The following RASGEF1C variants were observed in gnomAD, a reference collection of about 807,000 sequenced individuals.
RASGEF1C encodes RasGEF domain family member 1C, also known as ras-GEF domain-containing family member 1C.
Under a neutral mutation model 58.1 loss-of-function variants are expected in RASGEF1C, and 27 were observed. That is an observed-to-expected ratio of 0.46 (90% CI 0.34 to 0.64). RASGEF1C has a LOEUF of 0.64. Among genes scored for constraint, RASGEF1C ranks in the 30% least tolerant of loss-of-function variants. The pLI is 0.01. For missense variants in RASGEF1C, 502 were observed against 605.1 expected (o/e 0.83, Z 1.79); for synonymous variants, 243 against 246.3 (o/e 0.99, Z 0.13).
intron 1 of RASGEF1C, among the ~76,000 whole-genome samples, chr5:180,191,962 G>A (rs911481548): frequency 3.9e-5 from 6 of 152,152 alleles, no homozygotes; most frequent in African/African-American, 1.2e-4. Flanking sequence ...TCTTCTGGCC[G>A]TGAGTCTCAG....
intron 1 of RASGEF1C, among the ~76,000 whole-genome samples, chr5:180,180,379 T>A (rs1173020699): frequency 1.3e-5 from 2 of 152,252 alleles, no homozygotes; most frequent in African/African-American, 4.8e-5. Flanking sequence ...CTGCTGCTGT[T>A]TGAGACGAGC....
intron 12 of RASGEF1C, among the ~76,000 whole-genome samples, chr5:180,104,318 T>C (rs1765842226): frequency 6.6e-6 from 1 of 152,186 alleles, no homozygotes; most frequent in Non-Finnish European, 1.5e-5. Flanking sequence ...AGTGCCCTTA[T>C]GAAAGGGCTG....
intron 1 of RASGEF1C, among the ~76,000 whole-genome samples, chr5:180,147,293 T>G (rs903257893): frequency 6.6e-6 from 1 of 151,992 alleles, no homozygotes; most frequent in Non-Finnish European, 1.5e-5. Context: ...TTTTCTATTC[T>G]CTTTTATTTA....
At chr5:180,207,632 C>T (rs11249684) in intron 1 of RASGEF1C, among the ~76,000 whole-genome samples, 21 of 151,950 alleles carry the variant, frequency 1.4e-4, no homozygotes, top group Admixed American at 3.3e-4. Flanking sequence ...CCTCTCTCGC[C>T]TGCCCTCCCT....
rs1364282565 is a variant in RASGEF1C, at chr5:180,119,463, G to T, written c.805-15C>A. 1 of 1,607,112 alleles carries T rather than the reference G, an allele frequency of 6.2e-7. No homozygotes were observed. Among genetic ancestry groups the T allele is most frequent in the East Asian group, 2.2e-5 (1 of 44,816 alleles). ...TTCTTGGCTGGCTGGGGACAGGGCA[G>T]CAGAGCCTCAGTGGTGACACGCCTC... On this transcript the variant is annotated splice_polypyrimidine_tract_variant and intron_variant, in intron 7 of 13. Transcript: ENST00000361132.
chr5:180,134,135 A>G (rs1766426698), intron 4 of RASGEF1C, among the ~76,000 whole-genome samples: 1 of 152,202 alleles, frequency 6.6e-6, no homozygotes, highest in African/African-American at 2.4e-5. Flanking sequence ...CAGGAGGGGA[A>G]CAACCCACAG....
At chr5:180,182,648 T>G (rs922478464) in intron 1 of RASGEF1C, among the ~76,000 whole-genome samples, 3 of 152,198 alleles carry the variant, frequency 2.0e-5, no homozygotes, top group African/African-American at 4.8e-5. Context: ...GAGCACTGAT[T>G]GGTGCATTTT....
chr5:180,175,451 A>C lies in RASGEF1C; in HGVS notation c.-7+33577T>G, dbSNP rs1020367529. 2.0e-5 allele frequency among the ~76,000 whole-genome samples: 3 copies of C among 152,278 alleles called. No individual in the cohort carries two copies. In the South Asian group the frequency reaches 6.2e-4, roughly 32 times the overall value. On this transcript the variant is annotated intron_variant, in intron 1 of 13. Coordinates refer to ENST00000361132, the MANE Select transcript of RASGEF1C (RefSeq NM_175062.4). ...CTCAGATTTGGGGCTTCTTGGGCAC[A>C]CCTGCCATGTGCAGCCCCCTGAGTC...
chr5:180,200,373 G>A (rs536537550), intron 1 of RASGEF1C, among the ~76,000 whole-genome samples: 5 of 126,510 alleles, frequency 4.0e-5, no homozygotes, highest in Admixed American at 8.8e-5. Context: ...GCAGTGGCGC[G>A]ATCTAGGCTC....
intron 11 of RASGEF1C, among the ~76,000 whole-genome samples, chr5:180,113,607 A>G (rs1766008893): frequency 1.2e-5 from 1 of 84,436 alleles, no homozygotes; most frequent in Admixed American, 1.2e-4. Context: ...GGACGGAGGG[A>G]TCGGGGATGG....
chr5:180,118,934 C>T lies in RASGEF1C; in HGVS notation c.908-68G>A, dbSNP rs572261747. The T allele has an allele frequency of 7.3e-5, 105 of 1,429,324 alleles. No individual in the cohort carries two copies. In the African/African-American group the frequency reaches 1.3e-3, roughly 18 times the overall value. 88.5% of individuals were successfully genotyped at this position (1,429,324 alleles called of 1,614,324 possible). On this transcript the variant is annotated intron_variant, in intron 8 of 13. Coordinates refer to ENST00000361132, the MANE Select transcript of RASGEF1C (RefSeq NM_175062.4). ...GGGGGGCCTCTGCGTAGCTGCACCC[C>T]CTTGGACTGCACCCTGACCAGGGCT...
intron 12 of RASGEF1C, among the ~76,000 whole-genome samples, chr5:180,107,806 G>A (rs908620943): frequency 4.6e-5 from 7 of 151,998 alleles, no homozygotes; most frequent in Non-Finnish European, 7.4e-5. Context: ...ACGAGGTTTC[G>A]CCATGTTGGT....
chr5:180,201,577 G>A (rs923874813), intron 1 of RASGEF1C, among the ~76,000 whole-genome samples: 14 of 152,088 alleles, frequency 9.2e-5, no homozygotes, highest in African/African-American at 2.9e-4. Context: ...ATAAAGAGCC[G>A]ACACTAATCC....
At chr5:180,113,475 C>G in intron 11 of RASGEF1C, among the ~76,000 whole-genome samples, 1 of 41,110 alleles carries the variant, frequency 2.4e-5, no homozygotes, top group Admixed American at 3.0e-4. Context: ...GACGGAGTGA[C>G]CGGGGATGGA....
intron 1 of RASGEF1C, among the ~76,000 whole-genome samples, chr5:180,205,915 G>C (rs993353452): frequency 1.3e-5 from 2 of 151,868 alleles, no homozygotes; most frequent in African/African-American, 4.8e-5. Context: ...TATATATTTT[G>C]GTAGAGACAA....
chr5:180,142,599 C>T (rs777852503), intron 1 of RASGEF1C, among the ~76,000 whole-genome samples: 3 of 152,146 alleles, frequency 2.0e-5, no homozygotes, highest in East Asian at 3.9e-4. Context: ...GGTGCACAGA[C>T]GCACTGGCGG....
At chr5:180,154,166 G>T in intron 1 of RASGEF1C, among the ~76,000 whole-genome samples, 1 of 152,180 alleles carries the variant, frequency 6.6e-6, no homozygotes, top group Non-Finnish European at 1.5e-5. Flanking sequence ...CCCAGGACAG[G>T]TCTACCCCCT....
At chr5:180,193,462 G>A (rs1756205317) in intron 1 of RASGEF1C, among the ~76,000 whole-genome samples, 1 of 152,150 alleles carries the variant, frequency 6.6e-6, no homozygotes, top group Admixed American at 6.5e-5. Flanking sequence ...AGCTGCTACA[G>A]ATCTGATTCC....
At chr5:180,178,609 A>T (rs1425668674) in intron 1 of RASGEF1C, among the ~76,000 whole-genome samples, 1 of 151,964 alleles carries the variant, frequency 6.6e-6, no homozygotes. Context: ...ACAGAAGCAA[A>T]TGCGTTTTCT....
Sources: allele counts gnomAD v4.1 joint callset (sites outside exome capture counted in the v4.1 genomes callset), GRCh38; gene constraint gnomAD v4.1.1; transcripts MANE v1.5; gene names NCBI Gene and HGNC (gene_info 2026-07-23, HGNC 2026-07-21).